The following XBP1 variants were observed in gnomAD, a reference collection of about 807,000 sequenced individuals.
The protein encoded by XBP1 is X-box binding protein 1.
In XBP1, 18 loss-of-function variants were observed where a neutral mutation model predicts 34.6. The ratio of observed to expected loss-of-function variants is 0.52; its 90% confidence interval spans 0.36 to 0.77. The LOEUF (loss-of-function observed/expected upper bound fraction) is 0.77. Among genes scored for constraint, XBP1 ranks in the 30% least tolerant of loss-of-function variants. XBP1 has a pLI of 0.00. For synonymous variants in XBP1, 191 were observed against 193.4 expected, an observed-to-expected ratio of 0.99 and a Z score of 0.11; for missense variants, 422 against 464.6, an observed-to-expected ratio of 0.91 and a Z score of 0.84.
chr22:28,797,496 C>T (rs1263202176), intron 2 of XBP1, among the ~76,000 whole-genome samples: 1 of 151,884 alleles, frequency 6.6e-6, no homozygotes, highest in South Asian at 2.1e-4. Flanking sequence ...TTTAAACTAT[C>T]TTGGCCAGGC....
chr22:28,798,735 G>A (rs149744646), intron 2 of XBP1, among the ~76,000 whole-genome samples: 23 of 148,338 alleles, frequency 1.6e-4, no homozygotes, highest in Middle Eastern at 3.5e-3. Flanking sequence ...TCAACCTCCC[G>A]AGTAGCTGGG....
intron 2 of XBP1, among the ~76,000 whole-genome samples, chr22:28,798,350 G>A (rs1336807980): frequency 7.2e-6 from 1 of 139,516 alleles, no homozygotes; most frequent in African/African-American, 2.8e-5. Context: ...GCCCAGACTG[G>A]AGTGCAGTGG....
upstream of XBP1, chr22:28,800,531 A>C: frequency 6.7e-7 from 1 of 1,485,404 alleles, no homozygotes; most frequent in Non-Finnish European, 8.9e-7. Context: ...CCATAGCTCC[A>C]GACTACGCAC....
intron 1 of XBP1, 140 bp downstream of exon 1, chr22:28,800,158 G>A (rs968580909): frequency 6.9e-6 from 7 of 1,018,966 alleles, no homozygotes; most frequent in African/African-American, 4.9e-5. Context: ...CCCGCGCCAC[G>A]CTGGCACCGA....
exon 1 of XBP1, chr22:28,800,519 C>G: frequency 1.3e-6 from 2 of 1,491,128 alleles, no homozygotes; most frequent in South Asian, 2.5e-5. Context: ...CTGCCACCAC[C>G]ACCATAGCTC....
At chr22:28,800,538 G>A (rs2269575), upstream of XBP1, 107,192 of 1,475,272 alleles carry the variant, frequency 0.073, 6,027 homozygotes, top group East Asian at 0.3. Context: ...TCCAGACTAC[G>A]CACCGCGCAC....
chr22:28,797,375 C>CTACTTA (rs1448852706), intron 2 of XBP1, among the ~76,000 whole-genome samples, 170 bp from the exon 3 acceptor site: 3 of 152,208 alleles, frequency 2.0e-5, no homozygotes, highest in African/African-American at 7.2e-5. Flanking sequence ...GAAAAGCAAG[C>CTACTTA]TACTTAATAA....
intron 5 of XBP1, 134 bp from the exon 6 acceptor site, chr22:28,795,866 C>T (rs929870321): frequency 9.5e-5 from 114 of 1,197,244 alleles, no homozygotes; most frequent in Non-Finnish European, 1.3e-4. Flanking sequence ...CCACCAGACC[C>T]ATTTATCTAC....
At position 28,797,311 on chromosome 22, in the gene XBP1, ACTC is replaced by A. The variant is rs1318795026; in HGVS notation, c.325-109_325-107del. The A allele has an allele frequency of 1.1e-5, 15 of 1,334,750 alleles. No individual in the cohort carries two copies. The Admixed American group carries it at 1.6e-4, about 14-fold the overall frequency. 82.7% of individuals were successfully genotyped at this position (1,334,750 alleles called of 1,614,324 possible). A position where few individuals can be genotyped will look rare whatever the true frequency, so the allele number is the denominator to read the frequency against. ...CCTTTCCTTCTTGAACTTTTGGAAAACTCTATGCTTGTGGTGTTCATAGTAGGT... is the reference window on the plus strand; with the variant it reads ...CCTTTCCTTCTTGAACTTTTGGAAAATATGCTTGTGGTGTTCATAGTAGGT... On this transcript the variant is annotated intron_variant, in intron 2 of 5. Coordinates refer to ENST00000344347, the Ensembl canonical transcript of XBP1.
At chr22:28,799,993 C>A (rs745333753) in intron 1 of XBP1, 1 of 779,680 alleles carries the variant, frequency 1.3e-6, no homozygotes, top group South Asian at 1.3e-5. Flanking sequence ...AACCACCAGT[C>A]TGCGGCCACA....
chr22:28,797,197 T>C, exon 3 of XBP1: 1 of 1,611,592 alleles, frequency 6.2e-7, no homozygotes, highest in South Asian at 1.1e-5. Context: ...CTAGCAAAAG[T>C]TTTTGGTTCT....
intron 2 of XBP1, among the ~76,000 whole-genome samples, chr22:28,798,265 C>T (rs1241076028): frequency 6.6e-6 from 1 of 151,450 alleles, no homozygotes; most frequent in African/African-American, 2.4e-5. Context: ...CAACAAGCTT[C>T]ACCACTTCAC....
At chr22:28,800,033 G>A (rs868190435) in intron 1 of XBP1, 1 of 778,064 alleles carries the variant, frequency 1.3e-6, no homozygotes, top group South Asian at 1.3e-5. Context: ...ACAGGTGCCC[G>A]CATCCCCAGC....
At position 28,796,282 on chromosome 22, in the gene XBP1, C is replaced by T. The variant is rs2031751513; in HGVS notation, c.454-90G>A. 3 of 1,317,390 alleles carry T rather than the reference C, an allele frequency of 2.3e-6. No individual in the cohort carries two copies. The South Asian group carries it at 5.0e-5, about 22-fold the overall frequency. 81.6% of individuals were successfully genotyped at this position (1,317,390 alleles called of 1,614,324 possible). A position where few individuals can be genotyped will look rare whatever the true frequency, so the allele number is the denominator to read the frequency against. ...TGTGATTCTCAACTTTAAAGAATTA[C>T]TTTTCAAAAAGATTCTAGGGTTAAA... On this transcript the variant is annotated intron_variant, in intron 3 of 5. Coordinates refer to ENST00000344347, the Ensembl canonical transcript of XBP1.
downstream of XBP1, chr22:28,794,957 A>T: frequency 2.4e-6 from 1 of 410,272 alleles, no homozygotes; most frequent in East Asian, 3.6e-5. Flanking sequence ...AATTATAGTA[A>T]TATTTCTTAC....
At chr22:28,797,039 G>GTACTCACA in intron 3 of XBP1, 38 bp downstream of exon 3, 1 of 1,583,690 alleles carries the variant, frequency 6.3e-7, no homozygotes. Flanking sequence ...CTTGGAACCA[G>GTACTCACA]TACTCACATG....
chr22:28,799,073 AC>A lies in XBP1; in HGVS notation c.307del (p.Val103Ter). 1 of 1,614,042 alleles carries A rather than the reference AC, an allele frequency of 6.2e-7. No individual in the cohort carries two copies. The highest frequency in any genetic ancestry group is 8.5e-7 in the Non-Finnish European group (1 of 1,179,926). On this transcript the variant is annotated frameshift_variant, in exon 2 of 6. Transcript: ENST00000344347. LOFTEE classifies it high-confidence loss of function. The stretch of plus-strand genomic sequence containing the variant: ...TAGTTTTACCTCTTCTTCTAAATCT[AC>A]CACTTGCTGTTCCAGCTCACTCATT...
At chr22:28,796,341 T>G in intron 3 of XBP1, 149 bp from the exon 4 acceptor site, 1 of 671,236 alleles carries the variant, frequency 1.5e-6, no homozygotes. Context: ...ACAACATTAT[T>G]ATTATTGAGA....
At chr22:28,796,986 G>A (rs1259766362) in intron 3 of XBP1, 91 bp downstream of exon 3, 8 of 1,475,560 alleles carry the variant, frequency 5.4e-6, no homozygotes, top group Non-Finnish European at 7.3e-6. Context: ...GAACGCTCTT[G>A]ATCAGAAGTC....
Sources: allele counts gnomAD v4.1 joint callset (sites outside exome capture counted in the v4.1 genomes callset), GRCh38; gene constraint gnomAD v4.1.1; transcripts MANE v1.5; gene names NCBI Gene and HGNC (gene_info 2026-07-23, HGNC 2026-07-21).